CCDC171: variants seen among roughly 807,000 people sequenced by gnomAD.
CCDC171 encodes coiled-coil domain-containing protein 171.
Under a neutral mutation model 168.2 loss-of-function variants are expected in CCDC171, and 177 were observed. The observed-to-expected ratio is 1.05, with a 90% CI of 0.93 to 1.19. CCDC171 has a LOEUF of 1.19. Among genes scored for constraint, CCDC171 ranks in the 50% most tolerant of loss-of-function variants. The pLI is 0.00. For synonymous variants in CCDC171, 687 were observed against 540.8 expected, an observed-to-expected ratio of 1.27 and a Z score of -3.75; for missense variants, 1,991 against 1,539.0, an observed-to-expected ratio of 1.29 and a Z score of -4.91.
At chr9:15,970,432 AT>A (rs1160398133) in intron 25 of CCDC171, among the ~76,000 whole-genome samples, 1 of 151,896 alleles carries the variant, frequency 6.6e-6, no homozygotes, top group Non-Finnish European at 1.5e-5. Context: ...ATAGAGTATG[AT>A]TTTTAGTGGA....
At chr9:16,006,517 G>C (rs1310401302) in intron 3 of CCDC171, among the ~76,000 whole-genome samples, 1 of 152,016 alleles carries the variant, frequency 6.6e-6, no homozygotes, top group African/African-American at 2.4e-5. Flanking sequence ...TGCCATGTTG[G>C]TGTGCTGCAC....
chr9:15,982,281 G>A (rs1372894097), intron 3 of CCDC171, among the ~76,000 whole-genome samples: 1 of 152,156 alleles, frequency 6.6e-6, no homozygotes. Context: ...CCAGCGTAGT[G>A]ATGTGAGAAT....
intron 1 of CCDC171, among the ~76,000 whole-genome samples, chr9:16,051,858 C>T (rs1833755941): frequency 6.6e-6 from 1 of 152,218 alleles, no homozygotes; most frequent in Non-Finnish European, 1.5e-5. Context: ...GATTAATGGA[C>T]TCAAAGTTCC....
At chr9:15,587,476 C>T (rs987519308) in intron 4 of CCDC171, 3 of 359,934 alleles carry the variant, frequency 8.3e-6, no homozygotes, top group African/African-American at 2.1e-5. Context: ...GTGAGGCTTC[C>T]CCAGCCATGT....
chr9:15,566,849 G>A (rs977567630), intron 2 of CCDC171, among the ~76,000 whole-genome samples: 4 of 151,986 alleles, frequency 2.6e-5, no homozygotes, highest in African/African-American at 7.3e-5. Flanking sequence ...CTTTTTGTAC[G>A]AGGTAAGGGT....
chr9:15,799,135 CATATATATAT>C (rs57651824), intron 21 of CCDC171, among the ~76,000 whole-genome samples: 2,567 of 108,988 alleles, frequency 0.024, 91 homozygotes, highest in African/African-American at 0.053. Flanking sequence ...TCATCATTGC[CATATATATAT>C]ATATATATAT....
intron 1 of CCDC171, among the ~76,000 whole-genome samples, chr9:15,554,827 C>G (rs899716922): frequency 6.6e-6 from 1 of 152,124 alleles, no homozygotes; most frequent in African/African-American, 2.4e-5. Flanking sequence ...ACAAATTATT[C>G]AACATCTCCA....
chr9:15,987,629 A>T (rs1277964930), intron 3 of CCDC171, among the ~76,000 whole-genome samples: 2 of 149,248 alleles, frequency 1.3e-5, no homozygotes, highest in African/African-American at 4.9e-5. Flanking sequence ...CTAAACTATG[A>T]TAACAGCTGT....
intron 3 of CCDC171, among the ~76,000 whole-genome samples, chr9:15,990,013 T>C (rs1472904359): frequency 2.6e-5 from 4 of 152,152 alleles, no homozygotes; most frequent in African/African-American, 9.7e-5. Context: ...TGCAGGATAT[T>C]ATCCAGGAGA....
At chr9:15,573,073 C>T (rs554587054) in intron 3 of CCDC171, among the ~76,000 whole-genome samples, 1 of 152,244 alleles carries the variant, frequency 6.6e-6, no homozygotes, top group Admixed American at 6.5e-5. Context: ...GCAGGAGAAT[C>T]GCTTGAGCCC....
chr9:15,865,396 G>GTGTGTT, intron 23 of CCDC171, among the ~76,000 whole-genome samples: 1 of 151,678 alleles, frequency 6.6e-6, no homozygotes, highest in South Asian at 2.1e-4. Context: ...GTGTGTGTGT[G>GTGTGTT]TATGTATGTA....
chr9:15,991,767 A>T (rs1471209436), intron 3 of CCDC171, among the ~76,000 whole-genome samples: 2 of 152,204 alleles, frequency 1.3e-5, no homozygotes, highest in Non-Finnish European at 2.9e-5. Context: ...ACCCCACAGA[A>T]ATACAAATTA....
intron 23 of CCDC171, among the ~76,000 whole-genome samples, chr9:15,849,303 CAATGGTCCTATATAT>C (rs932938003): frequency 6.6e-6 from 1 of 150,858 alleles, no homozygotes; most frequent in Non-Finnish European, 1.5e-5. Flanking sequence ...ACTCTTAAAC[CAATGGTCCTATATAT>C]ATATGTATAT....
intron 25 of CCDC171, among the ~76,000 whole-genome samples, chr9:15,958,459 G>A (rs769462633): frequency 6.6e-6 from 1 of 150,826 alleles, no homozygotes; most frequent in Non-Finnish European, 1.5e-5. Context: ...ACATAAGACT[G>A]TGATACTGTG....
chr9:15,725,123 T>G (rs1329789190), intron 14 of CCDC171, 147 bp downstream of exon 14: 1 of 627,030 alleles, frequency 1.6e-6, no homozygotes, highest in Non-Finnish European at 2.8e-6. Context: ...ACAAAATCAC[T>G]CCATTACTCT....
In CCDC171 at chr9:15,563,840, C is replaced by A. The variant is rs558520818; in HGVS notation, c.-111-138C>A. 1.8e-5 allele frequency: 7 copies of A among 389,676 alleles called. No individual in the cohort carries two copies. The East Asian group carries it at 4.0e-4, about 22-fold the overall frequency. The allele number at this position is 389,676 out of a possible 1,614,324, so 24.1% of individuals were successfully genotyped here. A position where few individuals can be genotyped will look rare whatever the true frequency, so the allele number is the denominator to read the frequency against. On this transcript the variant is annotated intron_variant, in intron 1 of 25. Transcript: ENST00000380701. ...GAGTTCCTTTTCTTTTGGTGATCTTCTGAGGTCTAGATATCTCTATACACC... is the reference window on the plus strand; with the variant it reads ...GAGTTCCTTTTCTTTTGGTGATCTTATGAGGTCTAGATATCTCTATACACC...
chr9:15,872,914 T>C (rs1817363920), intron 23 of CCDC171, among the ~76,000 whole-genome samples: 2 of 152,016 alleles, frequency 1.3e-5, no homozygotes, highest in Admixed American at 6.6e-5. Context: ...AGTTGTAAAA[T>C]ACGATTTGTT....
intron 10 of CCDC171, among the ~76,000 whole-genome samples, chr9:15,681,243 A>G (rs573804991): frequency 6.6e-6 from 1 of 152,240 alleles, no homozygotes; most frequent in South Asian, 2.1e-4. Context: ...AGCTTGATGG[A>G]TTGCTAAAAG....
the CCDC171 span, among the ~76,000 whole-genome samples, chr9:16,095,576 T>A: frequency 4.0e-5 from 6 of 151,838 alleles, no homozygotes; most frequent in African/African-American, 1.2e-4. Flanking sequence ...CATACACACA[T>A]GTTGAAATAT....
Sources: gnomAD v4.1 joint callset for allele counts (sites outside exome capture counted in the v4.1 genomes callset) on GRCh38, gnomAD v4.1.1 for gene constraint, MANE v1.5 for transcripts, NCBI Gene and HGNC (gene_info 2026-07-23, HGNC 2026-07-21) for gene names.